Variants in SLC9C1 observed in about 807,000 individuals in gnomAD.
SLC9C1 encodes the protein sodium/hydrogen exchanger 10.
A neutral mutation model predicts 140.9 loss-of-function variants in SLC9C1; 97 were observed. That is an observed-to-expected ratio of 0.69 (90% confidence interval 0.58 to 0.82). The LOEUF (loss-of-function observed/expected upper bound fraction) is 0.82, where lower values mean the gene tolerates loss of function less well. Ranked by LOEUF, SLC9C1 falls within the 40% of genes least tolerant of loss-of-function variation. The probability of loss-of-function intolerance (pLI) is 0.00; values close to 1 mark genes in which losing one functional copy is unlikely to be tolerated. For synonymous variants in SLC9C1, 440 were observed against 442.6 expected (o/e 0.99, Z 0.07); for missense variants, 1,340 against 1,389.3 (o/e 0.96, Z 0.56).
chr3:112,217,590 G>T (rs746558306), intron 14 of SLC9C1, 29 bp from the exon 15 acceptor site: 2 of 1,538,224 alleles, frequency 1.3e-6, no homozygotes, highest in African/African-American at 1.4e-5. Context: ...CTTTAAACAT[G>T]CTTTAAACAT....
chr3:112,197,949 G>A (rs1471198282), intron 20 of SLC9C1, among the ~76,000 whole-genome samples: 3 of 152,066 alleles, frequency 2.0e-5, no homozygotes, highest in East Asian at 3.8e-4. Context: ...TTTGTAAACA[G>A]TATTTTTTTG....
Position 112,141,249 on chromosome 3 carries a change from A to G in SLC9C1, c.*23T>C. 4 of 1,576,640 alleles carry G rather than the reference A, an allele frequency of 2.5e-6. No homozygotes were observed. Among genetic ancestry groups the G allele is most frequent in the Non-Finnish European group, 3.4e-6 (4 of 1,163,930 alleles). ...CCTCTCATAGCCACAGCATTAATAC[A>G]TGCTTCGGTCTTCTTAACAGTCTTA... is the stretch of plus-strand genomic sequence containing the variant. On this transcript the variant is annotated 3_prime_UTR_variant, in exon 29 of 29. Coordinates refer to ENST00000305815, the MANE Select transcript of SLC9C1 (RefSeq NM_183061.3).
At chr3:112,261,143 T>C (rs988557516) in intron 10 of SLC9C1, among the ~76,000 whole-genome samples, 1 of 152,134 alleles carries the variant, frequency 6.6e-6, no homozygotes, top group Non-Finnish European at 1.5e-5. Context: ...GCAATGTCCC[T>C]TATCCAATAC....
intron 7 of SLC9C1, among the ~76,000 whole-genome samples, chr3:112,266,805 A>G (rs1373594387): frequency 1.3e-5 from 2 of 152,180 alleles, no homozygotes; most frequent in Non-Finnish European, 2.9e-5. Flanking sequence ...TCATACTTCG[A>G]CTATTTCTGT....
At chr3:112,186,435 AAAAC>A (rs1353036870) in intron 20 of SLC9C1, among the ~76,000 whole-genome samples, 1 of 152,212 alleles carries the variant, frequency 6.6e-6, no homozygotes, top group East Asian at 1.9e-4. Context: ...ACACAGAAAA[AAAAC>A]AAAAACAATT....
chr3:112,265,423 A>G (rs1168467934), intron 8 of SLC9C1, among the ~76,000 whole-genome samples: 1 of 152,026 alleles, frequency 6.6e-6, no homozygotes, highest in African/African-American at 2.4e-5. Context: ...TTCCATTGTA[A>G]TTGGCATGGA....
chr3:112,293,292 AT>A (rs2080742307), intron 1 of SLC9C1, among the ~76,000 whole-genome samples: 1 of 151,356 alleles, frequency 6.6e-6, no homozygotes. Flanking sequence ...ATATATATAT[AT>A]ATATCTCTCA....
chr3:112,221,328 A>G lies in SLC9C1; in HGVS notation c.1573-103T>C. On this transcript the variant is annotated intron_variant, in intron 13 of 28. Coordinates refer to ENST00000305815, the MANE Select transcript of SLC9C1 (RefSeq NM_183061.3). ...TGTGATAAAGAAGTAAAAACAATCAATCTAGTCTGTTTGTAAAAAGAATAT... is the reference window on the plus strand; with the variant it reads ...TGTGATAAAGAAGTAAAAACAATCAGTCTAGTCTGTTTGTAAAAAGAATAT... 1.7e-5 allele frequency: 15 copies of G among 904,116 alleles called. 1 individual carries two copies. In the South Asian group the frequency reaches 2.4e-4, roughly 14 times the overall value. The allele number at this position is 904,116 out of a possible 1,614,324, so 56.0% of individuals were successfully genotyped here. A position where few individuals can be genotyped will look rare whatever the true frequency, so the allele number is the denominator to read the frequency against.
chr3:112,209,071 T>G (rs2108066948), intron 15 of SLC9C1, among the ~76,000 whole-genome samples: 1 of 152,338 alleles, frequency 6.6e-6, no homozygotes, highest in Admixed American at 6.5e-5. Context: ...AGTATAGTAA[T>G]ACACTATTGT....
intron 14 of SLC9C1, among the ~76,000 whole-genome samples, chr3:112,218,798 A>G (rs1407793013): frequency 3.3e-5 from 5 of 152,176 alleles, no homozygotes; most frequent in African/African-American, 1.2e-4. Context: ...TGTGATATCT[A>G]TGTGTGACAC....
At chr3:112,287,452 T>C (rs570756952) in intron 1 of SLC9C1, among the ~76,000 whole-genome samples, 2 of 152,336 alleles carry the variant, frequency 1.3e-5, no homozygotes, top group African/African-American at 4.8e-5. Context: ...TATGTGTATA[T>C]AGCAACCAAG....
intron 25 of SLC9C1, among the ~76,000 whole-genome samples, chr3:112,167,742 G>A (rs2077165927): frequency 6.6e-6 from 1 of 151,922 alleles, no homozygotes; most frequent in African/African-American, 2.4e-5. Flanking sequence ...TCCACCTTGT[G>A]GTTGTTTTCA....
At chr3:112,203,074 A>G (rs2077949299) in intron 17 of SLC9C1, among the ~76,000 whole-genome samples, 1 of 152,014 alleles carries the variant, frequency 6.6e-6, no homozygotes, top group African/African-American at 2.4e-5. Flanking sequence ...GTCTTTTCTC[A>G]TTCTGTGCAT....
At chr3:112,143,644 G>C (rs1344955188) in intron 28 of SLC9C1, among the ~76,000 whole-genome samples, 6 of 152,106 alleles carry the variant, frequency 3.9e-5, no homozygotes, top group Non-Finnish European at 2.9e-5. Flanking sequence ...GCCTTTGTTG[G>C]ATGCACAGTT....
intron 12 of SLC9C1, among the ~76,000 whole-genome samples, chr3:112,236,116 G>A (rs549682751): frequency 1.8e-4 from 28 of 152,042 alleles, no homozygotes; most frequent in Non-Finnish European, 4.1e-4. Flanking sequence ...TTTTTGGTTG[G>A]TAAGCTATTA....
At chr3:112,230,387 A>G (rs2078788794) in intron 13 of SLC9C1, among the ~76,000 whole-genome samples, 1 of 152,180 alleles carries the variant, frequency 6.6e-6, no homozygotes, top group Admixed American at 6.6e-5. Flanking sequence ...GCTAGCAGGA[A>G]TATTTGCTAC....
At chr3:112,260,157 G>T (rs956221349) in intron 10 of SLC9C1, among the ~76,000 whole-genome samples, 1 of 151,950 alleles carries the variant, frequency 6.6e-6, no homozygotes, top group African/African-American at 2.4e-5. Flanking sequence ...ATCAGTTTTT[G>T]CTTCATATAT....
At chr3:112,178,202 A>T (rs968330544) in intron 23 of SLC9C1, among the ~76,000 whole-genome samples, 16 of 151,832 alleles carry the variant, frequency 1.1e-4, no homozygotes, top group African/African-American at 3.9e-4. Context: ...GCAGTGGTGC[A>T]ATCATGACTG....
At chr3:112,263,127 T>C (rs753018321) in intron 9 of SLC9C1, 29 bp from the exon 10 acceptor site, 1 of 1,521,814 alleles carries the variant, frequency 6.6e-7, no homozygotes, top group Non-Finnish European at 8.8e-7. Flanking sequence ...TTTACAAAGT[T>C]ATTCTTTCAT....
Sources: gnomAD v4.1 joint callset for allele counts (sites outside exome capture counted in the v4.1 genomes callset) on GRCh38, gnomAD v4.1.1 for gene constraint, MANE v1.5 for transcripts, NCBI Gene and HGNC (gene_info 2026-07-23, HGNC 2026-07-21) for gene names.